The following STK32A variants were observed in gnomAD, a reference collection of about 807,000 sequenced individuals.
STK32A encodes serine/threonine kinase 32A.
Under a neutral mutation model 53.2 loss-of-function variants are expected in STK32A, and 41 were observed. The observed-to-expected ratio is 0.77, with a 90% confidence interval of 0.60 to 1.00. The LOEUF (loss-of-function observed/expected upper bound fraction) is 1.00, where lower values mean the gene tolerates loss of function less well. STK32A is among the 50% of genes least tolerant of loss of function. STK32A has a pLI of 0.00. For synonymous variants in STK32A, 166 were observed against 162.8 expected (o/e 1.02, Z -0.15); for missense variants, 458 against 485.8 (o/e 0.94, Z 0.54).
intron 8 of STK32A, among the ~76,000 whole-genome samples, chr5:147,368,268 A>T (rs1454269491): frequency 6.6e-6 from 1 of 152,240 alleles, no homozygotes; most frequent in Non-Finnish European, 1.5e-5. Context: ...TTGCCTTTGC[A>T]CTTCTGAAAT....
chr5:147,283,856 C>A (rs1022418989), intron 4 of STK32A, among the ~76,000 whole-genome samples: 1 of 152,018 alleles, frequency 6.6e-6, no homozygotes, highest in East Asian at 1.9e-4. Context: ...AGAATTATAT[C>A]AGACATTCAA....
chr5:147,236,538 A>G (rs563158204), intron 1 of STK32A, among the ~76,000 whole-genome samples: 7 of 152,180 alleles, frequency 4.6e-5, no homozygotes, highest in African/African-American at 1.7e-4. Context: ...ATATGAAAAA[A>G]AAAATCTAAT....
intron 5 of STK32A, among the ~76,000 whole-genome samples, chr5:147,335,097 C>T (rs1189272951): frequency 2.0e-5 from 3 of 152,138 alleles, no homozygotes; most frequent in African/African-American, 7.2e-5. Context: ...TCTGATTGTA[C>T]CGTACTTACC....
At chr5:147,335,369 G>T (rs1328324189) in intron 5 of STK32A, among the ~76,000 whole-genome samples, 1 of 152,108 alleles carries the variant, frequency 6.6e-6, no homozygotes, top group Non-Finnish European at 1.5e-5. Flanking sequence ...AGAAAATCCA[G>T]ATGTGTGCTG....
chr5:147,237,792 TG>T (rs1302678759), intron 1 of STK32A, among the ~76,000 whole-genome samples: 1 of 152,230 alleles, frequency 6.6e-6, no homozygotes, highest in Non-Finnish European at 1.5e-5. Context: ...GCCTTCCAAA[TG>T]AAGGGTTTAC....
At chr5:147,258,120 T>G (rs906564145) in intron 2 of STK32A, among the ~76,000 whole-genome samples, 4 of 134,112 alleles carry the variant, frequency 3.0e-5, no homozygotes, top group African/African-American at 1.1e-4. Flanking sequence ...TTTTAATGTC[T>G]GACCATAATG....
intron 2 of STK32A, among the ~76,000 whole-genome samples, chr5:147,257,252 G>A (rs1457982643): frequency 1.3e-5 from 2 of 151,894 alleles, no homozygotes; most frequent in African/African-American, 2.4e-5. Context: ...CGTCGGGGGC[G>A]GGGCGGGGGG....
chr5:147,355,252 A>G (rs955961498), intron 7 of STK32A, among the ~76,000 whole-genome samples: 1 of 152,192 alleles, frequency 6.6e-6, no homozygotes, highest in Non-Finnish European at 1.5e-5. Flanking sequence ...CCTTCCATCA[A>G]GCAAGGAAGT....
intron 5 of STK32A, among the ~76,000 whole-genome samples, chr5:147,328,214 T>C (rs1332978588): frequency 6.6e-6 from 1 of 152,188 alleles, no homozygotes; most frequent in Non-Finnish European, 1.5e-5. Flanking sequence ...CTCACTTGTT[T>C]CCCTGTGTTA....
intron 2 of STK32A, among the ~76,000 whole-genome samples, chr5:147,260,594 C>T (rs1200475267): frequency 6.7e-6 from 1 of 148,652 alleles, no homozygotes; most frequent in African/African-American, 2.6e-5. Flanking sequence ...CTTCCCTGTC[C>T]TGGAAGGCTC....
intron 4 of STK32A, among the ~76,000 whole-genome samples, chr5:147,319,133 C>G (rs1754165111): frequency 1.4e-5 from 2 of 144,996 alleles, no homozygotes; most frequent in Admixed American, 1.4e-4. Context: ...AAAAACACAA[C>G]TGGTACTTTT....
At chr5:147,392,444 G>A (rs1433247812), downstream of STK32A, 1 of 152,228 alleles carries the variant, frequency 6.6e-6, no homozygotes, top group Non-Finnish European at 1.5e-5. Context: ...ATTAAAAGGT[G>A]TCTGAGGCCT....
chr5:147,348,621 G>A, intron 6 of STK32A: 1 of 732,252 alleles, frequency 1.4e-6, no homozygotes, highest in Non-Finnish European at 2.6e-6. Context: ...GGAAATCTAT[G>A]CAGACTAAAG....
rs527443005 is a variant in STK32A at position 147,287,825 on chromosome 5, T to G, written c.260+8427T>G. Among the ~76,000 whole-genome samples, 3 of 151,420 alleles carry G rather than the reference T, an allele frequency of 2.0e-5. No homozygotes were observed. In the East Asian group the frequency reaches 5.8e-4, roughly 29 times the overall value. On this transcript the variant is annotated intron_variant, in intron 4 of 12. Coordinates refer to ENST00000397936, the MANE Select transcript of STK32A (RefSeq NM_001112724.2). ...CAACCTCCCTTTGTTCAAAGTCACA[T>G]TTTTCTTCTTAAAAAGTTTAACCGA...
At chr5:147,311,313 ATGTCCTTT>A (rs1006305737) in intron 4 of STK32A, among the ~76,000 whole-genome samples, 1 of 152,182 alleles carries the variant, frequency 6.6e-6, no homozygotes, top group African/African-American at 2.4e-5. Flanking sequence ...GAGGGAAACC[ATGTCCTTT>A]TGTTCAGTCC....
chr5:147,365,669 G>A (rs1756710678), intron 8 of STK32A, among the ~76,000 whole-genome samples: 1 of 152,092 alleles, frequency 6.6e-6, no homozygotes, highest in South Asian at 2.1e-4. Context: ...TTCTGTGGCT[G>A]TGCTTCTGTG....
intron 3 of STK32A, among the ~76,000 whole-genome samples, chr5:147,278,704 TA>T (rs1409866680): frequency 3.9e-5 from 6 of 152,248 alleles, no homozygotes; most frequent in Non-Finnish European, 5.9e-5. Flanking sequence ...TTTAAGAGAA[TA>T]ATATTTCATA....
chr5:147,294,726 C>T (rs1357194667), intron 4 of STK32A, among the ~76,000 whole-genome samples: 1 of 151,590 alleles, frequency 6.6e-6, no homozygotes, highest in Non-Finnish European at 1.5e-5. Context: ...CTCTGTCGCA[C>T]AGACTGGAGT....
At chr5:147,246,891 A>G (rs1753787499) in intron 2 of STK32A, among the ~76,000 whole-genome samples, 1 of 152,208 alleles carries the variant, frequency 6.6e-6, no homozygotes, top group African/African-American at 2.4e-5. Context: ...TTAAAGTACA[A>G]GTTGGATTTG....
Sources: allele counts gnomAD v4.1 joint callset (sites outside exome capture counted in the v4.1 genomes callset), GRCh38; gene constraint gnomAD v4.1.1; transcripts MANE v1.5; gene names NCBI Gene and HGNC (gene_info 2026-07-23, HGNC 2026-07-21).